Variants in ITGAE observed in about 807,000 individuals in gnomAD.
ITGAE encodes integrin alpha-E.
A neutral mutation model predicts 136.5 loss-of-function variants in ITGAE; 99 were observed. That is an observed-to-expected ratio of 0.73 (90% CI 0.62 to 0.86). ITGAE has a LOEUF of 0.86. Among genes scored for constraint, ITGAE ranks in the 40% least tolerant of loss-of-function variants. The probability of loss-of-function intolerance (pLI) is 0.00; values close to 1 mark genes in which losing one functional copy is unlikely to be tolerated. For synonymous variants in ITGAE, 613 were observed against 591.8 expected (o/e 1.04, Z -0.52); for missense variants, 1,447 against 1,515.3 (o/e 0.95, Z 0.75).
chr17:3,732,731 T>C (rs1231240116), intron 21 of ITGAE, among the ~76,000 whole-genome samples: 1 of 152,102 alleles, frequency 6.6e-6, no homozygotes, highest in Non-Finnish European at 1.5e-5. Context: ...AGTGGAGAAA[T>C]ATGAATTCCA....
At chr17:3,790,481 T>TG (rs1358731440) in intron 1 of ITGAE, among the ~76,000 whole-genome samples, 2 of 151,306 alleles carry the variant, frequency 1.3e-5, no homozygotes, top group East Asian at 1.9e-4. Flanking sequence ...CACTCCAGCC[T>TG]GGTGATAGAG....
chr17:3,750,648 A>G (rs375588706), intron 15 of ITGAE, among the ~76,000 whole-genome samples, 166 bp from the exon 16 acceptor site: 16 of 152,278 alleles, frequency 1.1e-4, no homozygotes, highest in Non-Finnish European at 7.4e-5. Context: ...AGGAAGTGGC[A>G]TTTGGATGGA....
rs535550955 is a variant in ITGAE, at chr17:3,750,240, A to G, written c.2024+112T>C. On this transcript the variant is annotated intron_variant, in intron 16 of 30. Transcript: ENST00000263087. ...GCAGACTCCAGAGCCTGTGCCCACA[A>G]CCACGGTGCTGGCTCCCTCCCTCAG... The G allele has an allele frequency of 5.3e-4, 772 of 1,453,728 alleles. 8 individuals carry two copies. The South Asian group carries it at 9.9e-3, about 19-fold the overall frequency. 90.1% of individuals were successfully genotyped at this position (1,453,728 alleles called of 1,614,324 possible).
At chr17:3,782,053 T>C (rs1460721123) in intron 1 of ITGAE, among the ~76,000 whole-genome samples, 1 of 151,792 alleles carries the variant, frequency 6.6e-6, no homozygotes, top group African/African-American at 2.4e-5. Flanking sequence ...AGGCGGTGGA[T>C]CACCTGAGGT....
rs763713170 is a variant in ITGAE, at chr17:3,747,997, G to A, written c.2080C>T (p.Pro694Ser). The A allele has an allele frequency of 1.9e-6, 3 of 1,613,282 alleles. No individual in the cohort carries two copies. The highest frequency in any genetic ancestry group is 2.5e-6 in the Non-Finnish European group (3 of 1,179,432). ...TTCACGACGCCGTTGAAGCCGATGG[G>A]CAGTGCGCTGGGGGTGAAGGCCATG... The part of the protein sequence containing the change: ...VSMAFTPSAL[P>S]IGFNGVVNVR... The change falls in exon 17 of 31, where the codon CCC becomes TCC. Residue 694 changes from proline (P) to serine (S), a missense_variant. Pro to Ser is a moderately conservative substitution (Grantham distance 74, BLOSUM62 -1). Coordinates refer to ENST00000263087, the MANE Select transcript of ITGAE (RefSeq NM_002208.5).
At position 3,760,134 on chromosome 17, in the gene ITGAE, C is replaced by T. The variant is rs753311084; in HGVS notation, c.714+38G>A. The T allele has an allele frequency of 3.4e-6, 4 of 1,188,742 alleles. No individual in the cohort carries two copies. In the Admixed American group the frequency reaches 5.1e-5, roughly 15 times the overall value. The allele number at this position is 1,188,742 out of a possible 1,614,324, so 73.6% of individuals were successfully genotyped here. A position where few individuals can be genotyped will look rare whatever the true frequency, so the allele number is the denominator to read the frequency against. ...TGTTCTGAGGTAGGGTGATTCTCAG[C>T]AATAGATAAGTGTTAACCAGCTCTT... On this transcript the variant is annotated intron_variant, in intron 7 of 30. Coordinates refer to ENST00000263087, the MANE Select transcript of ITGAE (RefSeq NM_002208.5).
Position 3,723,360 on chromosome 17 carries a change from C to T in ITGAE, c.3165G>A (p.Val1055=). ...CTTTATCTGAAGCGATGACACAGCT[C>T]ACTGAATGCCATTCTTCCACATGCT... is the stretch of plus-strand genomic sequence containing the variant. ...SVQHVEEWHS[V]SCVIASDKEN... is the part of the protein sequence containing the mutation. The change falls in exon 28 of 31, where the codon GTG becomes GTA. Residue 1055 remains valine (V), a synonymous_variant. Transcript: ENST00000263087. 6.2e-7 allele frequency: 1 copy of T among 1,613,546 alleles called. No homozygotes were observed. The highest frequency in any genetic ancestry group is 8.5e-7 in the Non-Finnish European group (1 of 1,179,432).
At chr17:3,777,180 C>T (rs1226694369) in intron 2 of ITGAE, among the ~76,000 whole-genome samples, 5 of 151,694 alleles carry the variant, frequency 3.3e-5, no homozygotes, top group Non-Finnish European at 5.9e-5. Flanking sequence ...CCAGGATGGT[C>T]TCAATCTCCT....
chr17:3,765,607 T>G (rs567111862), intron 2 of ITGAE, among the ~76,000 whole-genome samples: 1 of 152,214 alleles, frequency 6.6e-6, no homozygotes, highest in Non-Finnish European at 1.5e-5. Flanking sequence ...CTGAGTCAGT[T>G]CCTGTGAAGG....
At position 3,780,632 on chromosome 17, in the gene ITGAE, C is replaced by A. The variant is rs578144372; in HGVS notation, c.35-2972G>T. Among the ~76,000 whole-genome samples, 22 of 152,132 alleles carry A rather than the reference C, an allele frequency of 1.4e-4. No individual in the cohort carries two copies. The East Asian group carries it at 4.3e-3, about 30-fold the overall frequency. On this transcript the variant is annotated intron_variant, in intron 1 of 30. Transcript: ENST00000263087. Reference sequence around the variant, plus strand: ...ATTTTCAGTAGAGACGGAGTTTCTCCATTTTGGTTAAGCTGGTCTCGAACT... The same window carrying A: ...ATTTTCAGTAGAGACGGAGTTTCTCAATTTTGGTTAAGCTGGTCTCGAACT...
intron 5 of ITGAE, 30 bp from the exon 6 acceptor site, chr17:3,761,207 G>C (rs1447711883): frequency 1.9e-6 from 3 of 1,604,758 alleles, no homozygotes; most frequent in African/African-American, 2.7e-5. Flanking sequence ...AGAGCTCAGA[G>C]TCAGAAAGGC....
chr17:3,741,354 TG>T (rs1297881197), intron 19 of ITGAE, among the ~76,000 whole-genome samples: 7 of 151,884 alleles, frequency 4.6e-5, no homozygotes, highest in African/African-American at 1.7e-4. Context: ...CCCAAAGTGC[TG>T]GGATTACAGG....
intron 2 of ITGAE, among the ~76,000 whole-genome samples, chr17:3,771,018 T>C (rs1195341861): frequency 6.6e-6 from 1 of 151,826 alleles, no homozygotes; most frequent in East Asian, 1.9e-4. Context: ...GCATAACTTC[T>C]GACCCAGCAA....
intron 17 of ITGAE, among the ~76,000 whole-genome samples, chr17:3,746,134 C>T (rs955623545): frequency 6.6e-6 from 1 of 152,208 alleles, no homozygotes; most frequent in East Asian, 1.9e-4. Context: ...TGAGTGCTCC[C>T]GCCCCAAACC....
chr17:3,800,033 T>C (rs947506649), intron 1 of ITGAE, among the ~76,000 whole-genome samples: 1 of 152,102 alleles, frequency 6.6e-6, no homozygotes, highest in East Asian at 1.9e-4. Flanking sequence ...GCAGGAGAAC[T>C]GCTTGAACCT....
intron 8 of ITGAE, 33 bp downstream of exon 8, chr17:3,759,369 G>A: frequency 6.2e-7 from 1 of 1,604,202 alleles, no homozygotes; most frequent in Non-Finnish European, 8.5e-7. Context: ...CTCTGGGCAT[G>A]GCCAGAATAA....
At chr17:3,768,070 A>G (rs2052339795) in intron 2 of ITGAE, among the ~76,000 whole-genome samples, 1 of 152,128 alleles carries the variant, frequency 6.6e-6, no homozygotes, top group African/African-American at 2.4e-5. Context: ...GAAAACTTCT[A>G]TATTAATAGA....
intron 20 of ITGAE, among the ~76,000 whole-genome samples, chr17:3,736,687 A>G (rs2051465318): frequency 6.6e-6 from 1 of 152,210 alleles, no homozygotes; most frequent in African/African-American, 2.4e-5. Context: ...AGAGTGCAGA[A>G]CCACTCTCAG....
At chr17:3,720,239 C>T in intron 29 of ITGAE, 68 bp downstream of exon 29, 1 of 755,654 alleles carries the variant, frequency 1.3e-6, no homozygotes, top group Non-Finnish European at 2.4e-6. Context: ...AACAGAATGT[C>T]TGTGGAGGTG....
Sources: gnomAD v4.1 joint callset for allele counts (sites outside exome capture counted in the v4.1 genomes callset) on GRCh38, gnomAD v4.1.1 for gene constraint, MANE v1.5 for transcripts, NCBI Gene and HGNC (gene_info 2026-07-23, HGNC 2026-07-21) for gene names.